The following ACER3 variants were observed in gnomAD, a reference collection of about 807,000 sequenced individuals.
The protein encoded by ACER3 is alkaline ceramidase 3, also known as alkCDase 3.
ACER3 carries 16 observed loss-of-function variants against 48.9 expected under a neutral mutation model. The ratio of observed to expected loss-of-function variants is 0.33; its 90% CI spans 0.22 to 0.50. The LOEUF (loss-of-function observed/expected upper bound fraction) is 0.50. Among genes scored for constraint, ACER3 ranks in the 20% least tolerant of loss-of-function variants. The pLI, the probability that ACER3 is intolerant of heterozygous loss-of-function variation, is 0.98. For synonymous variants in ACER3, 109 were observed against 107.8 expected (o/e 1.01, Z -0.07); for missense variants, 227 against 326.0 (o/e 0.70, Z 2.34).
chr11:76,941,453 CAG>C (rs1188826260), intron 2 of ACER3, among the ~76,000 whole-genome samples: 2 of 152,012 alleles, frequency 1.3e-5, no homozygotes, highest in African/African-American at 4.8e-5. Flanking sequence ...CATGGGGAGA[CAG>C]AAATTAATTA....
chr11:76,865,687 G>A (rs1945064841), intron 1 of ACER3, among the ~76,000 whole-genome samples: 1 of 151,300 alleles, frequency 6.6e-6, no homozygotes, highest in East Asian at 2.0e-4. Context: ...TTTTGTATTT[G>A]TAGTAGAGAC....
chr11:76,901,900 G>T (rs1946092029), intron 1 of ACER3, among the ~76,000 whole-genome samples: 1 of 152,090 alleles, frequency 6.6e-6, no homozygotes, highest in South Asian at 2.1e-4. Flanking sequence ...CTGCCTTTTA[G>T]TTTTTACTTT....
chr11:76,937,542 G>T (rs532501424), intron 2 of ACER3, among the ~76,000 whole-genome samples: 4 of 152,288 alleles, frequency 2.6e-5, no homozygotes, highest in African/African-American at 9.6e-5. Context: ...AAGTGTCACT[G>T]AACTGATATG....
intron 2 of ACER3, among the ~76,000 whole-genome samples, chr11:76,944,105 C>T (rs1255660150): frequency 6.6e-6 from 1 of 151,838 alleles, no homozygotes; most frequent in African/African-American, 2.4e-5. Context: ...TTCTAAAATC[C>T]ATTCTGTCAA....
chr11:76,895,207 A>G (rs1387806796), intron 1 of ACER3, among the ~76,000 whole-genome samples: 16 of 152,148 alleles, frequency 1.1e-4, no homozygotes, highest in Non-Finnish European at 2.2e-4. Flanking sequence ...TATATACTAA[A>G]TCCCATATGT....
intron 7 of ACER3, among the ~76,000 whole-genome samples, chr11:77,002,724 TG>T (rs1555020107): frequency 6.6e-6 from 1 of 152,162 alleles, no homozygotes; most frequent in Non-Finnish European, 1.5e-5. Flanking sequence ...CATCTGGGCC[TG>T]GAAATCTGTT....
intron 6 of ACER3, among the ~76,000 whole-genome samples, chr11:76,998,212 C>T (rs147799424): frequency 3.3e-5 from 5 of 152,166 alleles, no homozygotes; most frequent in East Asian, 3.9e-4. Flanking sequence ...GAAGAGCCAA[C>T]GCTAGGAAGA....
chr11:76,886,289 T>C (rs929197932), intron 1 of ACER3, among the ~76,000 whole-genome samples: 2 of 152,190 alleles, frequency 1.3e-5, no homozygotes. Context: ...TTTGGAATGA[T>C]GGGCAAGAAG....
chr11:76,985,229 G>A (rs1466506426), intron 4 of ACER3, among the ~76,000 whole-genome samples: 3 of 152,034 alleles, frequency 2.0e-5, no homozygotes, highest in Non-Finnish European at 2.9e-5. Flanking sequence ...TTAGCCTCCC[G>A]AGTAGCTGGG....
intron 2 of ACER3, 61 bp from the exon 3 acceptor site, chr11:76,958,918 C>T (rs1439294477): frequency 5.1e-6 from 8 of 1,553,464 alleles, no homozygotes; most frequent in Non-Finnish European, 7.1e-6. Flanking sequence ...ATTGTCTTCT[C>T]AGGTCACTGT....
intron 1 of ACER3, among the ~76,000 whole-genome samples, chr11:76,904,176 G>A (rs1263943900): frequency 6.6e-6 from 1 of 151,884 alleles, no homozygotes; most frequent in Admixed American, 6.6e-5. Flanking sequence ...TAGTAGAGAC[G>A]AGGTTTCACC....
At chr11:76,999,152 T>G (rs1948978328) in intron 7 of ACER3, among the ~76,000 whole-genome samples, 2 of 152,178 alleles carry the variant, frequency 1.3e-5, no homozygotes, top group South Asian at 4.1e-4. Context: ...ATTGTTTTTG[T>G]CTTTCTTAAA....
chr11:76,906,262 A>G (rs758329319), intron 1 of ACER3, among the ~76,000 whole-genome samples: 36 of 152,242 alleles, frequency 2.4e-4, no homozygotes, highest in Non-Finnish European at 4.4e-4. Flanking sequence ...CTGCTCAAGT[A>G]TAGATGTAAT....
In ACER3 at chr11:76,934,533, C is replaced by T. The variant is rs186586015; in HGVS notation, c.214+7866C>T. 4.9e-3 allele frequency among the ~76,000 whole-genome samples: 744 copies of T among 152,370 alleles called. 4 individuals are homozygous for T. The highest frequency in any genetic ancestry group is 0.015 in the African/African-American group (606 of 41,584). Reference sequence around the variant, plus strand: ...AAACCCCGTCTCCACCAAAAAAATACGAAAACCAGTCAGGCGTGGCGTGCG... The same window carrying T: ...AAACCCCGTCTCCACCAAAAAAATATGAAAACCAGTCAGGCGTGGCGTGCG... On this transcript the variant is annotated intron_variant, in intron 2 of 10. Coordinates refer to ENST00000532485, the MANE Select transcript of ACER3 (RefSeq NM_018367.7).
intron 7 of ACER3, among the ~76,000 whole-genome samples, chr11:77,004,594 A>C (rs1235223676): frequency 6.6e-6 from 1 of 152,194 alleles, no homozygotes; most frequent in Admixed American, 6.5e-5. Context: ...TTGCAAGTCT[A>C]TTTTGATGCA....
intron 7 of ACER3, among the ~76,000 whole-genome samples, chr11:77,010,163 AAATAAT>A (rs59504202): frequency 0.012 from 1,829 of 146,448 alleles, 49 homozygotes; most frequent in African/African-American, 0.044. Flanking sequence ...TCTCTACCAG[AAATAAT>A]AATAATAATA....
At chr11:76,941,041 G>GCA (rs1491065697) in intron 2 of ACER3, among the ~76,000 whole-genome samples, 8 of 125,214 alleles carry the variant, frequency 6.4e-5, no homozygotes, top group African/African-American at 2.7e-4. Flanking sequence ...ACACACACAC[G>GCA]CACACACACA....
intron 1 of ACER3, among the ~76,000 whole-genome samples, chr11:76,865,306 T>G (rs190292908): frequency 2.0e-5 from 3 of 151,816 alleles, no homozygotes; most frequent in Non-Finnish European, 2.9e-5. Flanking sequence ...TATCCCTTCA[T>G]GAATTCTTTT....
At chr11:76,920,757 C>T (rs1424065124) in intron 1 of ACER3, among the ~76,000 whole-genome samples, 2 of 151,882 alleles carry the variant, frequency 1.3e-5, no homozygotes, top group Non-Finnish European at 2.9e-5. Flanking sequence ...CCACCTCAGC[C>T]TTCTGAGCAG....
Sources: allele counts gnomAD v4.1 joint callset (sites outside exome capture counted in the v4.1 genomes callset), GRCh38; gene constraint gnomAD v4.1.1; transcripts MANE v1.5; gene names NCBI Gene and HGNC (gene_info 2026-07-23, HGNC 2026-07-21).